RTN4: variants seen among roughly 807,000 people sequenced by gnomAD.
The protein encoded by RTN4 is reticulon-4.
In RTN4, 32 loss-of-function variants were observed where a neutral mutation model predicts 90.4. The observed-to-expected ratio is 0.35, with a 90% CI of 0.27 to 0.48. The LOEUF (loss-of-function observed/expected upper bound fraction) is 0.48. RTN4 is among the 20% of genes least tolerant of loss of function. The pLI, the probability that RTN4 is intolerant of heterozygous loss-of-function variation, is 0.99. For synonymous variants in RTN4, 629 were observed against 552.5 expected (o/e 1.14, Z -1.94); for missense variants, 1,706 against 1,430.2 (o/e 1.19, Z -3.11).
rs935534308 is a variant in RTN4, at chr2:55,111,204, A to G, written c.-214+1316T>C. 3.3e-5 allele frequency among the ~76,000 whole-genome samples: 5 copies of G among 152,200 alleles called. No individual in the cohort carries two copies. In the East Asian group the frequency reaches 5.8e-4, roughly 18 times the overall value. Reference sequence around the variant, plus strand: ...CTGCAAAGTTGCTTTTTATTTTCCAATAATTCTTGAGGGATCACTGGAATA... The same window carrying G: ...CTGCAAAGTTGCTTTTTATTTTCCAGTAATTCTTGAGGGATCACTGGAATA... On this transcript the variant is annotated intron_variant, in intron 1 of 3. Transcript: ENST00000427710.
chr2:55,043,796 G>C (rs1573463044), intron 1 of RTN4, among the ~76,000 whole-genome samples: 1 of 152,064 alleles, frequency 6.6e-6, no homozygotes, highest in African/African-American at 2.4e-5. Flanking sequence ...TGAGGCAGGA[G>C]AATTGCTGGA....
At chr2:55,100,973 A>ATATT (rs1203843058) in intron 1 of RTN4, among the ~76,000 whole-genome samples, 2 of 152,020 alleles carry the variant, frequency 1.3e-5, no homozygotes, top group Non-Finnish European at 2.9e-5. Context: ...TTTTAATCAC[A>ATATT]TATTTGTCAA....
the RTN4 span, among the ~76,000 whole-genome samples, chr2:55,127,853 G>C: frequency 6.6e-6 from 1 of 151,870 alleles, no homozygotes; most frequent in Non-Finnish European, 1.5e-5. Flanking sequence ...AGATACTTCA[G>C]TGAAACCTTG....
At position 55,050,160 on chromosome 2, in the gene RTN4, T is replaced by TTCGTCC; in HGVS notation, c.135_140dup (p.Glu47_Asp48dup). 2 of 1,563,256 alleles carry TTCGTCC rather than the reference T, an allele frequency of 1.3e-6. No homozygotes were observed. Among genetic ancestry groups the TTCGTCC allele is most frequent in the Non-Finnish European group, 1.7e-6 (2 of 1,161,962 alleles). On this transcript the variant is annotated inframe_insertion, in exon 1 of 9. Coordinates refer to ENST00000337526, the MANE Select transcript of RTN4 (RefSeq NM_020532.5). The surrounding 1 kb of genome is among the most constrained non-coding windows in gnomAD (Gnocchi z 4.6). ...CCAGCACCTCCAGCTCCTCCAGGTC[T>TTCGTCC]TCGTCCTCGTCCTCCTCTTCCTCCT...
At chr2:55,134,590 C>T in the RTN4 span, among the ~76,000 whole-genome samples, 6 of 152,166 alleles carry the variant, frequency 3.9e-5, no homozygotes, top group African/African-American at 1.4e-4. Flanking sequence ...CAGCTGTTCT[C>T]AGAAAGCAAA....
chr2:55,056,627 C>G (rs978879415), intron 2 of RTN4: 1 of 151,288 alleles, frequency 6.6e-6, no homozygotes, highest in African/African-American at 2.4e-5. Context: ...AGAGCAAGAC[C>G]CCATTTCAAA....
chr2:55,035,728 GAAGC>G (rs1272046703), intron 1 of RTN4, among the ~76,000 whole-genome samples: 1 of 151,994 alleles, frequency 6.6e-6, no homozygotes, highest in African/African-American at 2.4e-5. Context: ...ACAGAGAGAG[GAAGC>G]AAGTATTGAA....
At chr2:55,062,513 T>C (rs1166598848) in intron 2 of RTN4, among the ~76,000 whole-genome samples, 1 of 152,226 alleles carries the variant, frequency 6.6e-6, no homozygotes, top group Non-Finnish European at 1.5e-5. Context: ...TCCTATCGCA[T>C]GCCCTGAGAG....
At chr2:55,111,943 G>C (rs1198451126) in intron 1 of RTN4, among the ~76,000 whole-genome samples, 2 of 152,150 alleles carry the variant, frequency 1.3e-5, no homozygotes, top group Non-Finnish European at 2.9e-5. Flanking sequence ...GGCACGCACT[G>C]CTCTCAAAAC....
intron 1 of RTN4, among the ~76,000 whole-genome samples, chr2:55,095,939 G>T (rs927366853): frequency 1.3e-5 from 2 of 152,168 alleles, no homozygotes; most frequent in African/African-American, 4.8e-5. Flanking sequence ...CCTCACTTGG[G>T]ATTTATCTGA....
the RTN4 span, among the ~76,000 whole-genome samples, chr2:55,132,116 C>T: frequency 3.3e-5 from 5 of 152,124 alleles, no homozygotes; most frequent in South Asian, 2.1e-4. Context: ...TGGAGGAAAT[C>T]GGTGAAACAA....
At chr2:55,075,533 T>C (rs904455969) in intron 2 of RTN4, among the ~76,000 whole-genome samples, 1 of 152,118 alleles carries the variant, frequency 6.6e-6, no homozygotes, top group Non-Finnish European at 1.5e-5. Flanking sequence ...ATCTACAAAC[T>C]AAATGCAATA....
chr2:55,065,779 C>A (rs1475969843), intron 2 of RTN4, among the ~76,000 whole-genome samples: 1 of 151,852 alleles, frequency 6.6e-6, no homozygotes, highest in Admixed American at 6.6e-5. Context: ...CAAAACTAAT[C>A]TATGGTGATA....
chr2:55,058,547 T>C (rs1183888919), intron 2 of RTN4, among the ~76,000 whole-genome samples: 1 of 152,222 alleles, frequency 6.6e-6, no homozygotes, highest in Non-Finnish European at 1.5e-5. Flanking sequence ...GAAATTTTAG[T>C]GGAAATTCTT....
Position 55,025,525 on chromosome 2 carries a change from C to T in RTN4, c.2574G>A (p.Thr858=), listed in dbSNP as rs147365678. ...SKEAQIRETE[T]FSDSSPIEII... ...TTTCAATTGGAGATGAATCTGAAAACGTTTCAGTTTCTCTTATCTGTGCTT... is the reference window on the plus strand; with the variant it reads ...TTTCAATTGGAGATGAATCTGAAAATGTTTCAGTTTCTCTTATCTGTGCTT... The change falls in exon 3 of 9, where the codon ACG becomes ACA. Residue 858 remains threonine, a synonymous_variant. Transcript: ENST00000337526. The T allele has an allele frequency of 1.7e-5, 28 of 1,613,562 alleles. 1 individual carries two copies. Among genetic ancestry groups the T allele is most frequent in the African/African-American group, 6.7e-5 (5 of 74,898 alleles).
intron 1 of RTN4, among the ~76,000 whole-genome samples, chr2:55,098,237 T>C (rs1667787489): frequency 6.6e-6 from 1 of 152,158 alleles, no homozygotes; most frequent in South Asian, 2.1e-4. Flanking sequence ...GTTTGTGGTC[T>C]TGTGGTGGAG....
Position 55,026,695 on chromosome 2 carries a change from G to GTTA in RTN4, c.1401_1403dup (p.Asn468dup), listed in dbSNP as rs1159934759. 6.2e-7 allele frequency: 1 copy of GTTA among 1,613,674 alleles called. No individual in the cohort carries two copies. Among genetic ancestry groups the GTTA allele is most frequent in the East Asian group, 2.2e-5 (1 of 44,868 alleles). On this transcript the variant is annotated inframe_insertion, in exon 3 of 9. Transcript: ENST00000337526. ...TTGCAATGCTCTCAGTTGCTGCTGG[G>GTTA]TTAAAGGGAGCACATGTGATATATG...
intron 1 of RTN4, among the ~76,000 whole-genome samples, chr2:55,044,672 T>C (rs1170094842): frequency 6.6e-6 from 1 of 150,626 alleles, no homozygotes; most frequent in Admixed American, 6.7e-5. Context: ...TACAATAATA[T>C]AGCACTAAAA....
intron 2 of RTN4, among the ~76,000 whole-genome samples, chr2:55,076,389 C>CTTTTTT (rs58070912): frequency 7.6e-4 from 49 of 64,644 alleles, no homozygotes; most frequent in African/African-American, 1.2e-3. Flanking sequence ...TTCTTTTGTT[C>CTTTTTT]TTTTTTTTTT....
Sources: allele counts gnomAD v4.1 joint callset (sites outside exome capture counted in the v4.1 genomes callset), GRCh38; gene constraint gnomAD v4.1.1; non-coding constraint Gnocchi (gnomAD v3.1); transcripts MANE v1.5; gene names NCBI Gene and HGNC (gene_info 2026-07-23, HGNC 2026-07-21).